Variants in CHL1 observed in about 807,000 individuals in gnomAD.
The protein encoded by CHL1 is cell adhesion molecule L1 like.
CHL1 carries 96 observed loss-of-function variants against 141.9 expected under a neutral mutation model. That is an observed-to-expected ratio of 0.68 (90% CI 0.57 to 0.80). The LOEUF is 0.80. Among genes scored for constraint, CHL1 ranks in the 30% least tolerant of loss-of-function variants. CHL1 has a pLI of 0.00. For missense variants in CHL1, 1,820 were observed against 1,457.2 expected, an observed-to-expected ratio of 1.25 and a Z score of -4.05; for synonymous variants, 613 against 502.2, an observed-to-expected ratio of 1.22 and a Z score of -2.95.
intron 2 of CHL1, among the ~76,000 whole-genome samples, chr3:270,378 A>T (rs918727897): frequency 6.6e-6 from 1 of 152,132 alleles, no homozygotes; most frequent in African/African-American, 2.4e-5. Context: ...AAACCCTGGG[A>T]CTCAATATTA....
chr3:403,291 G>A (rs1709286820), intron 27 of CHL1, among the ~76,000 whole-genome samples: 2 of 152,130 alleles, frequency 1.3e-5, no homozygotes, highest in African/African-American at 4.8e-5. Flanking sequence ...CAGTCCTTTT[G>A]TAACCTAATA....
At chr3:223,029 C>G (rs1477391719) in intron 1 of CHL1, among the ~76,000 whole-genome samples, 4 of 152,154 alleles carry the variant, frequency 2.6e-5, no homozygotes, top group African/African-American at 9.7e-5. Flanking sequence ...TTGGCCCACC[C>G]ACATAATCCA....
chr3:225,870 G>A (rs1023696967), intron 1 of CHL1, among the ~76,000 whole-genome samples: 2 of 151,868 alleles, frequency 1.3e-5, no homozygotes, highest in Non-Finnish European at 2.9e-5. Flanking sequence ...TTAGCCAGGT[G>A]TGGTGGCAGG....
At position 210,339 on chromosome 3, in the gene CHL1, G is replaced by T. The variant is rs534869516; in HGVS notation, c.-175+13276G>T. ...ATTGTAGGTGAGGAATTTAGGCAGG[G>T]CTCCGCTGGGTGATTTCTTCTGCCC... On this transcript the variant is annotated intron_variant, in intron 1 of 27. Coordinates refer to ENST00000256509, the MANE Select transcript of CHL1 (RefSeq NM_006614.4). Among the ~76,000 whole-genome samples, 3 of 152,336 alleles carry T rather than the reference G, an allele frequency of 2.0e-5. No individual in the cohort carries two copies. In the East Asian group the frequency reaches 5.8e-4, roughly 29 times the overall value.
intron 16 of CHL1, among the ~76,000 whole-genome samples, chr3:380,354 C>A (rs75486561): frequency 0.029 from 4,456 of 152,254 alleles, 224 homozygotes; most frequent in African/African-American, 0.1. Flanking sequence ...ATGGACGGTG[C>A]TTTCCACTTG....
intron 1 of CHL1, among the ~76,000 whole-genome samples, chr3:230,391 C>A (rs529716395): frequency 2.0e-5 from 3 of 152,302 alleles, no homozygotes; most frequent in Non-Finnish European, 4.4e-5. Context: ...ACATTCATAA[C>A]AAACCACCAG....
At chr3:332,670 T>C (rs1701533047) in intron 5 of CHL1, among the ~76,000 whole-genome samples, 1 of 152,198 alleles carries the variant, frequency 6.6e-6, no homozygotes, top group Non-Finnish European at 1.5e-5. Context: ...CTGAAAATTG[T>C]TCTCAGGAGT....
intron 13 of CHL1, among the ~76,000 whole-genome samples, chr3:362,969 G>T (rs775220190): frequency 6.6e-6 from 1 of 152,144 alleles, no homozygotes; most frequent in African/African-American, 2.4e-5. Flanking sequence ...ACCGGTGCTG[G>T]TGGCTATGAC....
At chr3:336,472 G>A (rs1466522185) in intron 5 of CHL1, among the ~76,000 whole-genome samples, 1 of 152,114 alleles carries the variant, frequency 6.6e-6, no homozygotes, top group Admixed American at 6.5e-5. Flanking sequence ...ATGTTGGCAT[G>A]ATGGGATTAC....
intron 27 of CHL1, 81 bp from the exon 28 acceptor site, chr3:405,414 T>C (rs1709462559): frequency 1.1e-6 from 1 of 922,294 alleles, no homozygotes; most frequent in African/African-American, 1.7e-5. Context: ...TATAAAATCT[T>C]TTATCACTTA....
chr3:401,233 A>G (rs887284552), intron 26 of CHL1, among the ~76,000 whole-genome samples: 7 of 152,214 alleles, frequency 4.6e-5, no homozygotes, highest in African/African-American at 1.7e-4. Flanking sequence ...ATTTAGTTTA[A>G]TGACACAGAT....
chr3:262,911 C>T (rs1437644675), intron 2 of CHL1, among the ~76,000 whole-genome samples: 1 of 152,180 alleles, frequency 6.6e-6, no homozygotes, highest in East Asian at 1.9e-4. Context: ...TCTGGAGTTT[C>T]CTTCCTCCCA....
chr3:401,605 C>T (rs1189094411), intron 26 of CHL1, 21 bp from the exon 27 acceptor site: 30 of 1,462,052 alleles, frequency 2.1e-5, no homozygotes, highest in Non-Finnish European at 2.8e-5. Context: ...TTACTTTTCC[C>T]ACTTTTTTTC....
chr3:204,813 C>G (rs1006149687), intron 1 of CHL1, among the ~76,000 whole-genome samples: 1 of 151,604 alleles, frequency 6.6e-6, no homozygotes, highest in African/African-American at 2.4e-5. Flanking sequence ...AAAAAAAAAT[C>G]ATAATGTCTT....
intron 9 of CHL1, among the ~76,000 whole-genome samples, chr3:346,134 C>A (rs764341930): frequency 1.3e-5 from 2 of 152,110 alleles, no homozygotes; most frequent in Non-Finnish European, 2.9e-5. Flanking sequence ...ACATTCTGAA[C>A]GACTGGTTTA....
At chr3:254,380 G>T (rs998225922) in intron 2 of CHL1, among the ~76,000 whole-genome samples, 2 of 152,178 alleles carry the variant, frequency 1.3e-5, no homozygotes, top group Admixed American at 1.3e-4. Flanking sequence ...TAGTGACATG[G>T]CCTCTCTAAG....
chr3:310,845 A>G (rs1699696576), intron 2 of CHL1, among the ~76,000 whole-genome samples: 1 of 152,232 alleles, frequency 6.6e-6, no homozygotes, highest in African/African-American at 2.4e-5. Context: ...AGTATCATAC[A>G]AAGTAGTTTC....
chr3:227,098 G>A (rs997597796), intron 1 of CHL1, among the ~76,000 whole-genome samples: 2 of 152,172 alleles, frequency 1.3e-5, no homozygotes, highest in Non-Finnish European at 2.9e-5. Context: ...TTTAAGAAGC[G>A]TAAATGTTGT....
At position 260,263 on chromosome 3, in the gene CHL1, C is replaced by CAAATAAATAAATAAATAAAT. The variant is rs58225264; in HGVS notation, c.-95+15572_-95+15591dup. On this transcript the variant is annotated intron_variant, in intron 2 of 27. Transcript: ENST00000256509. ...TGGGTGACAGAGTGAAACTCTGTCT[C>CAAATAAATAAATAAATAAAT]AAATAAATAAATAAATAAATGTTTG... 7.2e-3 allele frequency among the ~76,000 whole-genome samples: 1,093 copies of CAAATAAATAAATAAATAAAT among 151,436 alleles called. 16 individuals carry two copies. The highest frequency in any genetic ancestry group is 0.025 in the African/African-American group (1,040 of 40,978).
Sources: allele counts gnomAD v4.1 joint callset (sites outside exome capture counted in the v4.1 genomes callset), GRCh38; gene constraint gnomAD v4.1.1; transcripts MANE v1.5; gene names NCBI Gene and HGNC (gene_info 2026-07-23, HGNC 2026-07-21).